Variants in PDE4D observed in about 807,000 individuals in gnomAD.
The protein encoded by PDE4D is 3',5'-cyclic-AMP phosphodiesterase 4D.
A neutral mutation model predicts 87.4 loss-of-function variants in PDE4D; 24 were observed. The observed-to-expected ratio is 0.27, with a 90% confidence interval of 0.20 to 0.39. The LOEUF is 0.39. PDE4D is among the 10% of genes least tolerant of loss of function. The pLI is 1.00. For missense variants in PDE4D, 714 were observed against 1,041.0 expected, an observed-to-expected ratio of 0.69 and a Z score of 4.32; for synonymous variants, 384 against 383.2, an observed-to-expected ratio of 1.00 and a Z score of -0.02.
chr5:59,330,981 C>T (rs959533828), intron 1 of PDE4D, among the ~76,000 whole-genome samples: 1 of 152,104 alleles, frequency 6.6e-6, no homozygotes, highest in African/African-American at 2.4e-5. Flanking sequence ...TTTCATCAAC[C>T]GCCTGTCCTT....
chr5:59,330,329 G>T (rs1015802368), intron 1 of PDE4D, among the ~76,000 whole-genome samples: 1 of 152,104 alleles, frequency 6.6e-6, no homozygotes, highest in Non-Finnish European at 1.5e-5. Context: ...CCTTGGTAAG[G>T]TAACTATGAT....
chr5:59,669,332 A>T (rs1319480952), intron 1 of PDE4D, among the ~76,000 whole-genome samples: 1 of 152,134 alleles, frequency 6.6e-6, no homozygotes, highest in African/African-American at 2.4e-5. Context: ...TGCTGGTCTC[A>T]AACTCCCGAC....
At chr5:60,225,199 G>A (rs1416735986) in intron 1 of PDE4D, among the ~76,000 whole-genome samples, 1 of 151,936 alleles carries the variant, frequency 6.6e-6, no homozygotes, top group African/African-American at 2.4e-5. Flanking sequence ...ATCTTCCCTA[G>A]TTCCTTTGTT....
rs368714470 is a variant in PDE4D at position 60,367,215 on chromosome 5, G to A, written c.-90+120727C>T. Among the ~76,000 whole-genome samples the A allele has an allele frequency of 2.9e-4, 44 of 152,176 alleles. 1 individual carries two copies. The highest frequency in any genetic ancestry group is 3.4e-3 in the Middle Eastern group (1 of 292). ...TGTAATCTCAGCACTTTGGGAGGGC[G>A]AGGTGGGCAGATCACCTGGAGTCAG... On this transcript the variant is annotated intron_variant, in intron 1 of 16. Transcript: ENST00000502484.
Position 59,872,049 on chromosome 5 carries a change from C to T in PDE4D, c.455+21119G>A, listed in dbSNP as rs56012406. Among the ~76,000 whole-genome samples the T allele has an allele frequency of 6.9e-3, 1,043 of 152,138 alleles. 9 individuals carry two copies. Among genetic ancestry groups the T allele is most frequent in the African/African-American group, 0.024 (1,001 of 41,486 alleles). On this transcript the variant is annotated intron_variant, in intron 1 of 14. Coordinates refer to ENST00000340635, the MANE Select transcript of PDE4D (RefSeq NM_001104631.2). ...TCAACTCCACCAAGCCCACGACTTC[C>T]CTTTCAGTCTTAGAGGTGCTCCCTA... is the stretch of plus-strand genomic sequence containing the variant.
At chr5:60,222,180 G>A (rs1462442352) in intron 1 of PDE4D, among the ~76,000 whole-genome samples, 1 of 152,022 alleles carries the variant, frequency 6.6e-6, no homozygotes, top group Non-Finnish European at 1.5e-5. Flanking sequence ...TCACTCCAGG[G>A]CACGTCAGCT....
chr5:59,198,405 C>T (rs1289957597), intron 2 of PDE4D, among the ~76,000 whole-genome samples: 1 of 152,078 alleles, frequency 6.6e-6, no homozygotes. Context: ...GTAACAGTCA[C>T]AGCAGAATGC....
chr5:60,516,827 C>T (rs1265128659), intron 1 of PDE4D, among the ~76,000 whole-genome samples: 9 of 152,296 alleles, frequency 5.9e-5, no homozygotes, highest in East Asian at 3.9e-4. Context: ...GCTGAGAAGA[C>T]GCCAGCTGCA....
chr5:59,663,501 T>G (rs1215516925), intron 1 of PDE4D, among the ~76,000 whole-genome samples: 1 of 152,180 alleles, frequency 6.6e-6, no homozygotes, highest in East Asian at 1.9e-4. Flanking sequence ...AGAAAATCAA[T>G]TTTAAGTTTT....
chr5:59,418,077 T>C (rs1024418633), intron 1 of PDE4D, among the ~76,000 whole-genome samples: 2 of 152,206 alleles, frequency 1.3e-5, no homozygotes, highest in Non-Finnish European at 2.9e-5. Flanking sequence ...GCAAAGCAAA[T>C]GATTGCTATA....
At chr5:59,989,551 C>T (rs906683515) in intron 2 of PDE4D, among the ~76,000 whole-genome samples, 11 of 151,920 alleles carry the variant, frequency 7.2e-5, no homozygotes, top group Admixed American at 6.6e-4. Flanking sequence ...TTTTATAAGA[C>T]TGAGAGGGTA....
Position 59,489,363 on chromosome 5 carries a change from T to C in PDE4D, c.456-273395A>G, listed in dbSNP as rs557492353. ...GCTTCTACTTGCTTGAGCTCTTTTG[T>C]TTCTTACAAAAGCACAAGCATCTAG... On this transcript the variant is annotated intron_variant, in intron 1 of 14. Transcript: ENST00000340635. Among the ~76,000 whole-genome samples, 18 of 152,302 alleles carry C rather than the reference T, an allele frequency of 1.2e-4. No homozygotes were observed. The South Asian group carries it at 3.5e-3, about 30-fold the overall frequency.
chr5:59,939,605 C>T (rs1348803447), intron 3 of PDE4D, among the ~76,000 whole-genome samples: 7 of 152,148 alleles, frequency 4.6e-5, no homozygotes, highest in African/African-American at 4.8e-5. Context: ...GATTTCTGAG[C>T]GGTGTTACAA....
At chr5:59,033,767 C>T (rs1166501657) in intron 6 of PDE4D, among the ~76,000 whole-genome samples, 1 of 151,946 alleles carries the variant, frequency 6.6e-6, no homozygotes, top group African/African-American at 2.4e-5. Context: ...AAAACGTAGA[C>T]AGTTCATAAT....
intron 1 of PDE4D, among the ~76,000 whole-genome samples, chr5:59,484,326 A>T (rs1348483089): frequency 6.6e-6 from 1 of 152,176 alleles, no homozygotes; most frequent in Non-Finnish European, 1.5e-5. Context: ...TTTATGCTCA[A>T]CTTGTAATGG....
At chr5:59,400,438 A>G (rs1164081067) in intron 1 of PDE4D, among the ~76,000 whole-genome samples, 1 of 147,724 alleles carries the variant, frequency 6.8e-6, no homozygotes, top group African/African-American at 2.6e-5. Flanking sequence ...TTGTAGGGAC[A>G]TGGATGAAAT....
chr5:59,833,601 G>T (rs932605828), intron 1 of PDE4D, among the ~76,000 whole-genome samples: 1 of 151,982 alleles, frequency 6.6e-6, no homozygotes, highest in Non-Finnish European at 1.5e-5. Flanking sequence ...AACGGTAGCC[G>T]TGTTTCTCCT....
intron 1 of PDE4D, among the ~76,000 whole-genome samples, chr5:59,369,710 T>A (rs1783655393): frequency 6.6e-6 from 1 of 152,024 alleles, no homozygotes; most frequent in Admixed American, 6.6e-5. Flanking sequence ...GTTAAAAAAT[T>A]CTGTAAACGG....
chr5:60,176,891 C>A (rs1783953929), intron 2 of PDE4D, among the ~76,000 whole-genome samples: 1 of 152,074 alleles, frequency 6.6e-6, no homozygotes, highest in Non-Finnish European at 1.5e-5. Flanking sequence ...TAAGGCGTTT[C>A]TCCTGGCTTT....
Sources: gnomAD v4.1 joint callset for allele counts (sites outside exome capture counted in the v4.1 genomes callset) on GRCh38, gnomAD v4.1.1 for gene constraint, MANE v1.5 for transcripts, NCBI Gene and HGNC (gene_info 2026-07-23, HGNC 2026-07-21) for gene names.